CPNE4: variants seen among roughly 807,000 people sequenced by gnomAD.
CPNE4 encodes copine 4, also known as copine-4.
A neutral mutation model predicts 67.9 loss-of-function variants in CPNE4; 25 were observed. The ratio of observed to expected loss-of-function variants is 0.37; its 90% confidence interval spans 0.27 to 0.51. The LOEUF (loss-of-function observed/expected upper bound fraction) is 0.51, where lower values mean the gene tolerates loss of function less well. Ranked by LOEUF, CPNE4 falls within the 20% of genes least tolerant of loss-of-function variation. The probability of loss-of-function intolerance (pLI) is 0.93; values close to 1 mark genes in which losing one functional copy is unlikely to be tolerated. For missense variants in CPNE4, 464 were observed against 690.8 expected, an observed-to-expected ratio of 0.67 and a Z score of 3.68; for synonymous variants, 242 against 244.9, an observed-to-expected ratio of 0.99 and a Z score of 0.11.
intron 2 of CPNE4, among the ~76,000 whole-genome samples, chr3:131,775,781 G>A (rs1026525798): frequency 2.6e-5 from 4 of 152,130 alleles, no homozygotes; most frequent in African/African-American, 9.7e-5. Context: ...CATGAAAACA[G>A]ACTAATATAC....
intron 5 of CPNE4, 36 bp from the exon 6 acceptor site, chr3:131,685,994 C>T (rs2080880123): frequency 1.7e-6 from 2 of 1,195,578 alleles, no homozygotes; most frequent in Non-Finnish European, 2.5e-6. Flanking sequence ...TGTTTTTCCT[C>T]CTGCATTTGA....
intron 3 of CPNE4, among the ~76,000 whole-genome samples, chr3:131,721,313 C>G (rs1211297963): frequency 1.0e-5 from 1 of 95,240 alleles, no homozygotes; most frequent in South Asian, 3.8e-4. Flanking sequence ...GAGGGTCATT[C>G]AAACAGATAA....
intron 9 of CPNE4, among the ~76,000 whole-genome samples, chr3:131,577,726 C>T (rs1937584789): frequency 6.6e-6 from 1 of 152,072 alleles, no homozygotes; most frequent in Admixed American, 6.6e-5. Context: ...CTATACACTG[C>T]TGTAGACCTT....
At chr3:131,714,518 A>G (rs7653478) in intron 3 of CPNE4, among the ~76,000 whole-genome samples, 26,320 of 152,138 alleles carry the variant, frequency 0.17, 3,548 homozygotes, top group African/African-American at 0.37. Flanking sequence ...GTCCTCTTCA[A>G]TTTCTCCAGA....
intron 3 of CPNE4, among the ~76,000 whole-genome samples, chr3:131,706,042 C>T (rs1208049209): frequency 1.3e-5 from 2 of 152,190 alleles, no homozygotes; most frequent in African/African-American, 4.8e-5. Flanking sequence ...CCCCTAGCAC[C>T]TAATGTCCTG....
At chr3:131,897,851 C>T (rs1018453359) in intron 2 of CPNE4, among the ~76,000 whole-genome samples, 1 of 151,732 alleles carries the variant, frequency 6.6e-6, no homozygotes, top group Admixed American at 6.6e-5. Context: ...ATGATTGCAC[C>T]ACTGCACTCC....
intron 2 of CPNE4, among the ~76,000 whole-genome samples, chr3:131,773,403 A>C (rs1583174642): frequency 6.6e-6 from 1 of 152,112 alleles, no homozygotes; most frequent in Middle Eastern, 3.4e-3. Flanking sequence ...GCTGGAATGC[A>C]GTGGTGTGAT....
intron 2 of CPNE4, among the ~76,000 whole-genome samples, chr3:131,807,918 T>TTGAA (rs377393985): frequency 0.029 from 4,352 of 152,106 alleles, 214 homozygotes; most frequent in African/African-American, 0.098. Context: ...TCGTTATTAG[T>TTGAA]TGAATGAATG....
At chr3:131,728,671 G>A (rs1409068869) in intron 2 of CPNE4, among the ~76,000 whole-genome samples, 1 of 152,056 alleles carries the variant, frequency 6.6e-6, no homozygotes, top group Non-Finnish European at 1.5e-5. Flanking sequence ...AGCACTTTGG[G>A]AGGCCGAGGC....
At chr3:131,951,845 G>A (rs1373262092) in intron 1 of CPNE4, among the ~76,000 whole-genome samples, 6 of 152,010 alleles carry the variant, frequency 3.9e-5, no homozygotes, top group South Asian at 4.2e-4. Context: ...GATTGCAGAC[G>A]GAGTCTCGTT....
Position 131,685,871 on chromosome 3 carries a change from T to C in CPNE4, c.591+4A>G. The stretch of plus-strand genomic sequence containing the variant: ...AAGAGGGCATAGCTGAAGATGACTC[T>C]TACCTCAGTTCGGTGCACCAGCTGC... On this transcript the variant is annotated splice_donor_region_variant and intron_variant, in intron 6 of 15. Coordinates refer to ENST00000429747, the MANE Select transcript of CPNE4 (RefSeq NM_130808.3). The C allele has an allele frequency of 6.2e-7, 1 of 1,603,368 alleles. No homozygotes were observed. Among genetic ancestry groups the C allele is most frequent in the Non-Finnish European group, 8.5e-7 (1 of 1,171,008 alleles).
chr3:131,659,339 T>TATC (rs141846752), intron 7 of CPNE4, among the ~76,000 whole-genome samples: 1,923 of 152,288 alleles, frequency 0.013, 42 homozygotes, highest in African/African-American at 0.043. Flanking sequence ...TTTCCCCAAG[T>TATC]ATCTTCCCAG....
At chr3:131,585,635 T>G (rs1228342720) in intron 8 of CPNE4, among the ~76,000 whole-genome samples, 1 of 152,186 alleles carries the variant, frequency 6.6e-6, no homozygotes, top group East Asian at 1.9e-4. Flanking sequence ...ATTTACTGCT[T>G]GGACTATTTC....
intron 5 of CPNE4, among the ~76,000 whole-genome samples, chr3:131,694,278 T>C (rs2081100034): frequency 6.6e-6 from 1 of 152,014 alleles, no homozygotes; most frequent in Non-Finnish European, 1.5e-5. Flanking sequence ...ACTGCAAACA[T>C]GTAGATAGTT....
At chr3:131,618,643 C>T (rs1180533737) in intron 7 of CPNE4, among the ~76,000 whole-genome samples, 1 of 152,098 alleles carries the variant, frequency 6.6e-6, no homozygotes, top group East Asian at 1.9e-4. Flanking sequence ...TTCTGATCTC[C>T]CAGAAACCTG....
upstream of CPNE4, chr3:132,037,530 C>G (rs149691739): frequency 6.0e-4 from 921 of 1,526,674 alleles, 6 homozygotes; most frequent in African/African-American, 0.011. Flanking sequence ...ATTGTAACAT[C>G]AAAATCCCCT....
chr3:131,968,501 C>G (rs1031296674), intron 1 of CPNE4, among the ~76,000 whole-genome samples: 19 of 152,142 alleles, frequency 1.2e-4, no homozygotes, highest in Non-Finnish European at 7.4e-5. Context: ...GGAACTTAAA[C>G]AAATTTACAA....
At chr3:131,928,361 G>A (rs1419240707) in intron 1 of CPNE4, among the ~76,000 whole-genome samples, 1 of 152,070 alleles carries the variant, frequency 6.6e-6, no homozygotes, top group Non-Finnish European at 1.5e-5. Context: ...TAACACAAAA[G>A]CTTTGTAATT....
intron 1 of CPNE4, among the ~76,000 whole-genome samples, chr3:131,949,573 A>G (rs1281187273): frequency 6.6e-6 from 1 of 152,172 alleles, no homozygotes; most frequent in Non-Finnish European, 1.5e-5. Flanking sequence ...TTCACCACCT[A>G]CTATTTGCTA....
Sources: gnomAD v4.1 joint callset for allele counts (sites outside exome capture counted in the v4.1 genomes callset) on GRCh38, gnomAD v4.1.1 for gene constraint, MANE v1.5 for transcripts, NCBI Gene and HGNC (gene_info 2026-07-23, HGNC 2026-07-21) for gene names.